PARL: variants seen among roughly 807,000 people sequenced by gnomAD.
PARL encodes presenilin-associated rhomboid-like protein, mitochondrial.
In PARL, 44 loss-of-function variants were observed where a neutral mutation model predicts 51.6. That is an observed-to-expected ratio of 0.85 (90% confidence interval 0.67 to 1.10). PARL has a LOEUF of 1.10. Among genes scored for constraint, PARL ranks in the 50% least tolerant of loss-of-function variants. The pLI is 0.00. For missense variants in PARL, 441 were observed against 469.5 expected, an observed-to-expected ratio of 0.94 and a Z score of 0.56; for synonymous variants, 172 against 164.0, an observed-to-expected ratio of 1.05 and a Z score of -0.37.
chr3:183,843,859 T>C (rs1211561670), intron 5 of PARL, among the ~76,000 whole-genome samples: 5 of 150,572 alleles, frequency 3.3e-5, no homozygotes, highest in African/African-American at 1.2e-4. Flanking sequence ...TCCAACACGG[T>C]GAAACCCTGT....
intron 4 of PARL, 56 bp from the exon 5 acceptor site, chr3:183,844,382 G>T: frequency 9.6e-7 from 1 of 1,046,790 alleles, no homozygotes; most frequent in South Asian, 1.3e-5. Context: ...AGGAAAGTCT[G>T]ATCTACATTA....
At chr3:183,866,029 A>G (rs1323938232) in intron 3 of PARL, among the ~76,000 whole-genome samples, 1 of 151,730 alleles carries the variant, frequency 6.6e-6, no homozygotes, top group Non-Finnish European at 1.5e-5. Context: ...ACAGGCATGC[A>G]CCACCACGCC....
intron 9 of PARL, among the ~76,000 whole-genome samples, 184 bp downstream of exon 9, chr3:183,833,308 T>C (rs969943289): frequency 2.0e-5 from 3 of 152,160 alleles, no homozygotes; most frequent in African/African-American, 4.8e-5. Context: ...ATGAGCCAGG[T>C]ATGCTGGGTA....
intron 4 of PARL, among the ~76,000 whole-genome samples, chr3:183,851,414 G>C (rs1331909261): frequency 6.6e-6 from 1 of 152,082 alleles, no homozygotes; most frequent in East Asian, 1.9e-4. Flanking sequence ...CTTAATAAGG[G>C]TCTAGTATCC....
chr3:183,844,443 G>A lies in PARL; in HGVS notation c.512-117C>T, dbSNP rs9809492. 3,145 of 735,320 alleles carry A rather than the reference G, an allele frequency of 4.3e-3. 72 individuals are homozygous for A. The African/African-American group carries it at 0.049, about 11-fold the overall frequency. The allele number at this position is 735,320 out of a possible 1,614,324, so 45.5% of individuals were successfully genotyped here. Reference sequence around the variant, plus strand: ...TATGTAAGAGTACTGTATACCTGGGGGATAGGGGGTGAGCCAAAAAAAAGC... The same window carrying A: ...TATGTAAGAGTACTGTATACCTGGGAGATAGGGGGTGAGCCAAAAAAAAGC... On this transcript the variant is annotated intron_variant, in intron 4 of 9. Transcript: ENST00000317096.
chr3:183,880,046 T>C (rs1019790664), intron 1 of PARL, among the ~76,000 whole-genome samples: 3 of 152,060 alleles, frequency 2.0e-5, no homozygotes, highest in Non-Finnish European at 2.9e-5. Context: ...TTAAATTTCT[T>C]AAAGTGTGAA....
chr3:183,872,755 T>C (rs927987384), intron 1 of PARL, among the ~76,000 whole-genome samples: 1 of 152,188 alleles, frequency 6.6e-6, no homozygotes, highest in East Asian at 1.9e-4. Context: ...CAGGAGCCCC[T>C]TGGAAAGGTT....
rs1399628777 is a variant in PARL at position 183,844,338 on chromosome 3, A to G, written c.512-12T>C. On this transcript the variant is annotated splice_polypyrimidine_tract_variant and intron_variant, in intron 4 of 9. Transcript: ENST00000317096. ...TGCAGCTATAATACCTACAAAATAA[A>G]TATTTATAATTTAGGGAGGTTAAAA... is the stretch of plus-strand genomic sequence containing the variant. 3 of 1,488,762 alleles carry G rather than the reference A, an allele frequency of 2.0e-6. No homozygotes were observed. The highest frequency in any genetic ancestry group is 1.7e-5 in the Admixed American group (1 of 59,852). The allele number at this position is 1,488,762 out of a possible 1,614,324, so 92.2% of individuals were successfully genotyped here. A position where few individuals can be genotyped will look rare whatever the true frequency, so the allele number is the denominator to read the frequency against.
intron 7 of PARL, among the ~76,000 whole-genome samples, chr3:183,836,825 G>A (rs553276446): frequency 6.6e-6 from 1 of 152,176 alleles, no homozygotes; most frequent in African/African-American, 2.4e-5. Context: ...TGCAACCTCC[G>A]CCTCCCAGGT....
intron 2 of PARL, 50 bp from the exon 3 acceptor site, chr3:183,866,815 CT>C: frequency 1.6e-6 from 2 of 1,268,158 alleles, no homozygotes; most frequent in Non-Finnish European, 2.3e-6. Flanking sequence ...GGAAATAGAT[CT>C]ATACATTATT....
chr3:183,855,157 G>A (rs1332596086), intron 4 of PARL, among the ~76,000 whole-genome samples: 3 of 152,100 alleles, frequency 2.0e-5, no homozygotes, highest in African/African-American at 7.2e-5. Context: ...AGGGAAGGAG[G>A]GAATGGGGGA....
chr3:183,846,233 G>A (rs1037000249), intron 4 of PARL, among the ~76,000 whole-genome samples: 1 of 152,146 alleles, frequency 6.6e-6, no homozygotes, highest in Non-Finnish European at 1.5e-5. Flanking sequence ...GCTCACGTCT[G>A]TAATCCCAGC....
intron 4 of PARL, among the ~76,000 whole-genome samples, chr3:183,855,449 C>T (rs1476673100): frequency 1.3e-5 from 2 of 152,098 alleles, no homozygotes; most frequent in African/African-American, 4.8e-5. Context: ...GCCAACTGCA[C>T]ATTTTAAATC....
At chr3:183,861,862 G>T (rs566473852) in intron 4 of PARL, among the ~76,000 whole-genome samples, 3 of 152,224 alleles carry the variant, frequency 2.0e-5, no homozygotes, top group Non-Finnish European at 4.4e-5. Context: ...TGCAACCTCT[G>T]CCTCCCAGGT....
At chr3:183,881,864 AAATAT>A (rs1239259148) in intron 1 of PARL, among the ~76,000 whole-genome samples, 1 of 152,198 alleles carries the variant, frequency 6.6e-6, no homozygotes, top group African/African-American at 2.4e-5. Flanking sequence ...AGTTAAAACA[AAATAT>A]AATATATACG....
At chr3:183,868,328 C>G (rs1732772642) in intron 1 of PARL, among the ~76,000 whole-genome samples, 1 of 152,146 alleles carries the variant, frequency 6.6e-6, no homozygotes, top group African/African-American at 2.4e-5. Context: ...TGTATCCATT[C>G]TCCACACAGA....
At chr3:183,857,507 T>C (rs1336839967) in intron 4 of PARL, among the ~76,000 whole-genome samples, 2 of 152,234 alleles carry the variant, frequency 1.3e-5, no homozygotes. Flanking sequence ...ATGTACTGCA[T>C]GTTTCTATTT....
chr3:183,872,254 G>A (rs1211996260), intron 1 of PARL, among the ~76,000 whole-genome samples: 1 of 151,982 alleles, frequency 6.6e-6, no homozygotes, highest in African/African-American at 2.4e-5. Context: ...CACCCGCCTC[G>A]GCCTCCCAAA....
intron 2 of PARL, 150 bp from the exon 3 acceptor site, chr3:183,866,915 T>A: frequency 2.0e-6 from 1 of 500,384 alleles, no homozygotes; most frequent in Non-Finnish European, 3.4e-6. Flanking sequence ...TGAAAAGGGC[T>A]TTTTTTTTTC....
Sources: allele counts gnomAD v4.1 joint callset (sites outside exome capture counted in the v4.1 genomes callset), GRCh38; gene constraint gnomAD v4.1.1; transcripts MANE v1.5; gene names NCBI Gene and HGNC (gene_info 2026-07-23, HGNC 2026-07-21).